GPR39: variants seen among roughly 807,000 people sequenced by gnomAD.
GPR39 encodes G protein-coupled receptor 39.
GPR39 carries 23 observed loss-of-function variants against 18.4 expected under a neutral mutation model. The ratio of observed to expected loss-of-function variants is 1.25; its 90% CI spans 0.90 to 1.77. GPR39 has a LOEUF of 1.77. GPR39 is among the 40% of genes most tolerant of loss of function. The probability of loss-of-function intolerance (pLI) is 0.00; values close to 1 mark genes in which losing one functional copy is unlikely to be tolerated. For missense variants in GPR39, 647 were observed against 602.4 expected, an observed-to-expected ratio of 1.07 and a Z score of -0.78; for synonymous variants, 280 against 257.9, an observed-to-expected ratio of 1.09 and a Z score of -0.82.
chr2:132,484,670 A>G (rs1453334177), intron 1 of GPR39, among the ~76,000 whole-genome samples: 3 of 152,234 alleles, frequency 2.0e-5, no homozygotes, highest in Non-Finnish European at 4.4e-5. Context: ...GATGACAAGG[A>G]AAATTGCTTG....
intron 1 of GPR39, among the ~76,000 whole-genome samples, chr2:132,500,067 C>T (rs559610657): frequency 1.3e-5 from 2 of 152,164 alleles, no homozygotes; most frequent in East Asian, 3.9e-4. Context: ...ATTTGGATGC[C>T]CTTTAGTTCT....
intron 1 of GPR39, among the ~76,000 whole-genome samples, chr2:132,522,687 G>A (rs1679446776): frequency 6.6e-6 from 1 of 152,152 alleles, no homozygotes; most frequent in African/African-American, 2.4e-5. Context: ...GAGCCTACCT[G>A]CTTAGCCCTT....
At chr2:132,492,814 T>TATACACACCATATATAC (rs1681517860) in intron 1 of GPR39, among the ~76,000 whole-genome samples, 2 of 140,662 alleles carry the variant, frequency 1.4e-5, no homozygotes, top group East Asian at 2.2e-4. Context: ...TATATATACA[T>TATACACACCATATATAC]ACCATATATA....
chr2:132,540,857 A>T (rs1679849299), intron 1 of GPR39, among the ~76,000 whole-genome samples: 1 of 152,122 alleles, frequency 6.6e-6, no homozygotes, highest in Non-Finnish European at 1.5e-5. Context: ...TGTCCTCCAG[A>T]TGAGCTGCTT....
intron 1 of GPR39, among the ~76,000 whole-genome samples, chr2:132,612,856 G>A (rs1469206081): frequency 6.6e-6 from 1 of 152,142 alleles, no homozygotes; most frequent in Admixed American, 6.5e-5. Context: ...TACAAAATAT[G>A]TGCTAGGATT....
chr2:132,621,859 C>T lies in GPR39; in HGVS notation c.857-23242C>T, dbSNP rs191014525. Among the ~76,000 whole-genome samples, 281 of 152,290 alleles carry T rather than the reference C, an allele frequency of 1.8e-3. 1 individual carries two copies. Among genetic ancestry groups the T allele is most frequent in the African/African-American group, 6.2e-3 (256 of 41,558 alleles). On this transcript the variant is annotated intron_variant, in intron 1 of 1. Coordinates refer to ENST00000329321, the MANE Select transcript of GPR39 (RefSeq NM_001508.3). ...ATACATTGCAGCCTTCTGGTTCCTTCGTCCTAAGTAAGAAGGCATCTTCTC... is the reference window on the plus strand; with the variant it reads ...ATACATTGCAGCCTTCTGGTTCCTTTGTCCTAAGTAAGAAGGCATCTTCTC...
chr2:132,481,647 G>C (rs139642244), intron 1 of GPR39, among the ~76,000 whole-genome samples: 3 of 152,318 alleles, frequency 2.0e-5, no homozygotes, highest in African/African-American at 7.2e-5. Flanking sequence ...TTTCAGCCCT[G>C]AAAGACTCAG....
rs188840248 is a variant in GPR39 at position 132,526,222 on chromosome 2, C to T, written c.856+108324C>T. On this transcript the variant is annotated intron_variant, in intron 1 of 1. Coordinates refer to ENST00000329321, the MANE Select transcript of GPR39 (RefSeq NM_001508.3). ...CCTTATTGGAGATGTTTTTAGCATGCGGTAGATGCACTGTATCACCTTACT... is the reference window on the plus strand; with the variant it reads ...CCTTATTGGAGATGTTTTTAGCATGTGGTAGATGCACTGTATCACCTTACT... Among the ~76,000 whole-genome samples, 692 of 152,210 alleles carry T rather than the reference C, an allele frequency of 4.5e-3. 7 individuals are homozygous for T. Among genetic ancestry groups the T allele is most frequent in the African/African-American group, 0.013 (556 of 41,540 alleles).
intron 1 of GPR39, among the ~76,000 whole-genome samples, chr2:132,581,495 TTA>T (rs1478872990): frequency 3.3e-5 from 5 of 152,156 alleles, no homozygotes; most frequent in Non-Finnish European, 5.9e-5. Flanking sequence ...GGTGCCCTTG[TTA>T]TGTTTTCTCA....
chr2:132,597,518 C>G (rs1488810782), intron 1 of GPR39, among the ~76,000 whole-genome samples: 1 of 152,122 alleles, frequency 6.6e-6, no homozygotes, highest in East Asian at 1.9e-4. Flanking sequence ...AACACCTGCT[C>G]AGTGGACTCT....
intron 1 of GPR39, among the ~76,000 whole-genome samples, chr2:132,629,617 A>G (rs113290545): frequency 0.015 from 2,210 of 152,352 alleles, 57 homozygotes; most frequent in African/African-American, 0.05. Flanking sequence ...CAACCTCTCA[A>G]TTTACAGGCA....
intron 1 of GPR39, among the ~76,000 whole-genome samples, chr2:132,540,921 T>C (rs1428358323): frequency 6.6e-6 from 1 of 151,818 alleles, no homozygotes; most frequent in African/African-American, 2.4e-5. Flanking sequence ...CTGGTGATGC[T>C]CCATACAGGT....
chr2:132,508,074 C>T (rs1679168419), intron 1 of GPR39, among the ~76,000 whole-genome samples: 2 of 152,264 alleles, frequency 1.3e-5, no homozygotes, highest in South Asian at 4.2e-4. Flanking sequence ...AGTCACATGG[C>T]TGGTCTTTCC....
intron 1 of GPR39, among the ~76,000 whole-genome samples, chr2:132,510,501 G>T (rs972925489): frequency 6.6e-6 from 1 of 152,092 alleles, no homozygotes; most frequent in African/African-American, 2.4e-5. Flanking sequence ...GTTTTTCAGG[G>T]TTGAGGGCAG....
intron 1 of GPR39, among the ~76,000 whole-genome samples, chr2:132,634,430 G>A (rs1310699872): frequency 1.3e-5 from 2 of 152,194 alleles, no homozygotes; most frequent in African/African-American, 4.8e-5. Flanking sequence ...GGTGTCCAAG[G>A]AATCCTTTGT....
At chr2:132,434,604 T>A (rs1009431445) in intron 1 of GPR39, among the ~76,000 whole-genome samples, 3 of 152,190 alleles carry the variant, frequency 2.0e-5, no homozygotes, top group Non-Finnish European at 1.5e-5. Flanking sequence ...TAAGTCTCAT[T>A]ACACGTGGTA....
At chr2:132,553,087 G>A (rs1408656971) in intron 1 of GPR39, among the ~76,000 whole-genome samples, 1 of 151,198 alleles carries the variant, frequency 6.6e-6, no homozygotes, top group Admixed American at 6.6e-5. Context: ...CACCATGCCT[G>A]GCTAATTTTT....
intron 1 of GPR39, among the ~76,000 whole-genome samples, chr2:132,481,061 A>T (rs916992732): frequency 1.3e-5 from 2 of 152,156 alleles, no homozygotes; most frequent in African/African-American, 2.4e-5. Context: ...CCGTTTAAAA[A>T]TTTTTTATCC....
At chr2:132,615,934 CTCTT>C (rs1681326735) in intron 1 of GPR39, among the ~76,000 whole-genome samples, 1 of 109,562 alleles carries the variant, frequency 9.1e-6, no homozygotes, top group African/African-American at 4.6e-5. Context: ...CCCATTCCAG[CTCTT>C]TTTTTTTTTT....
Sources: gnomAD v4.1 joint callset for allele counts (sites outside exome capture counted in the v4.1 genomes callset) on GRCh38, gnomAD v4.1.1 for gene constraint, MANE v1.5 for transcripts, NCBI Gene and HGNC (gene_info 2026-07-23, HGNC 2026-07-21) for gene names.